HSF5: variants seen among roughly 807,000 people sequenced by gnomAD.
HSF5 encodes the protein heat shock factor protein 5.
In HSF5, 5 loss-of-function variants were observed where a neutral mutation model predicts 50.8. The observed-to-expected ratio is 0.10, with a 90% confidence interval of 0.05 to 0.21. The LOEUF (loss-of-function observed/expected upper bound fraction) is 0.21, where lower values mean the gene tolerates loss of function less well. Ranked by LOEUF, HSF5 falls within the 10% of genes least tolerant of loss-of-function variation. The pLI is 1.00. For synonymous variants in HSF5, 307 were observed against 307.4 expected (o/e 1.00, Z 0.02); for missense variants, 564 against 762.6 (o/e 0.74, Z 3.07).
chr17:58,436,022 A>G (rs1295857304), intron 5 of HSF5, among the ~76,000 whole-genome samples: 4 of 152,232 alleles, frequency 2.6e-5, no homozygotes, highest in Admixed American at 2.0e-4. Context: ...TTATATCATT[A>G]TAATCCATAT....
chr17:58,488,102 C>T lies in HSF5; in HGVS notation c.173G>A (p.Gly58Asp), dbSNP rs1424052071. 8 of 1,570,136 alleles carry T rather than the reference C, an allele frequency of 5.1e-6. No homozygotes were observed. Among genetic ancestry groups the T allele is most frequent in the African/African-American group, 1.4e-5 (1 of 71,936 alleles). The change falls in exon 1 of 6, where the codon GGC becomes GAC. Residue 58 changes from glycine to aspartate, a missense_variant. Gly to Asp is a moderately conservative substitution (Grantham distance 94, BLOSUM62 -1). Around this residue, in one of 5 missense-constraint regions of HSF5, gnomAD observed 72 missense variants for 110.9 expected, o/e 0.65. Coordinates refer to ENST00000323777, the MANE Select transcript of HSF5 (RefSeq NM_001080439.3). This position sits in a 1 kb window ranked among gnomAD's most constrained non-coding sequence, Gnocchi z 4.1. The stretch of plus-strand genomic sequence containing the variant: ...CCCGGCCCCCGCAGTCCCGCCACCG[C>T]CCCCCGGCCCGGGCGGGCTGAGCAG... Reference protein sequence around the residue: ...AELLSPPGPGGGGGTAGAGAE... With the variant: ...AELLSPPGPGDGGGTAGAGAE...
intron 2 of HSF5, among the ~76,000 whole-genome samples, chr17:58,477,121 T>G (rs954569706): frequency 2.0e-5 from 3 of 148,206 alleles, no homozygotes; most frequent in Admixed American, 6.7e-5. Context: ...ATATACTTTT[T>G]TTTTTTTTTT....
chr17:58,478,035 AGCTT>A (rs1975041102), intron 2 of HSF5, among the ~76,000 whole-genome samples: 1 of 151,814 alleles, frequency 6.6e-6, no homozygotes, highest in Admixed American at 6.6e-5. Context: ...CTTTTCTGAA[AGCTT>A]TGACCCTTGT....
intron 2 of HSF5, among the ~76,000 whole-genome samples, chr17:58,470,227 C>T (rs1178664537): frequency 6.6e-6 from 1 of 152,152 alleles, no homozygotes; most frequent in Non-Finnish European, 1.5e-5. Flanking sequence ...CCATGTTCAA[C>T]ACAGCAAAAT....
rs143463525 is a variant in HSF5 at position 58,469,842 on chromosome 17, T to C, written c.926-2863A>G. ...AAGAATTCCATTTCAGATATAAATA[T>C]AGGCATTAATGACATTTTCAAAAAA... On this transcript the variant is annotated intron_variant, in intron 2 of 5. Transcript: ENST00000323777. 5.8e-3 allele frequency among the ~76,000 whole-genome samples: 886 copies of C among 152,226 alleles called. 5 individuals carry two copies. Among genetic ancestry groups the C allele is most frequent in the African/African-American group, 9.4e-3 (389 of 41,550 alleles).
At chr17:58,429,842 TAA>T (rs60957147) in intron 5 of HSF5, among the ~76,000 whole-genome samples, 2 of 133,710 alleles carry the variant, frequency 1.5e-5, no homozygotes, top group African/African-American at 5.6e-5. Flanking sequence ...CAAGACTCTG[TAA>T]AAAAAAAAAA....
At position 58,487,196 on chromosome 17, in the gene HSF5, A is replaced by G. The variant is rs139666846; in HGVS notation, c.550+529T>C. Among the ~76,000 whole-genome samples, 1,407 of 152,074 alleles carry G rather than the reference A, an allele frequency of 9.3e-3. 25 individuals carry two copies. Among genetic ancestry groups the G allele is most frequent in the African/African-American group, 0.031 (1,271 of 41,502 alleles). On this transcript the variant is annotated intron_variant, in intron 1 of 5. Coordinates refer to ENST00000323777, the MANE Select transcript of HSF5 (RefSeq NM_001080439.3). ...GCTGGGATTACAGGCGTGAGCCACC[A>G]CGCCCAACCGTAATGTTCTAAATTC...
intron 5 of HSF5, among the ~76,000 whole-genome samples, chr17:58,456,849 A>G (rs1285523222): frequency 6.6e-6 from 1 of 152,242 alleles, no homozygotes. Context: ...CTGGCCATGC[A>G]TGGTGGCTCA....
intron 1 of HSF5, among the ~76,000 whole-genome samples, chr17:58,487,157 C>A (rs1413464931): frequency 6.6e-6 from 1 of 152,160 alleles, no homozygotes; most frequent in African/African-American, 2.4e-5. Flanking sequence ...GCACCCGCCT[C>A]GGCCTCCCAA....
At chr17:58,477,468 T>C (rs1233060489) in intron 2 of HSF5, among the ~76,000 whole-genome samples, 2 of 150,066 alleles carry the variant, frequency 1.3e-5, no homozygotes, top group Non-Finnish European at 3.0e-5. Context: ...TCCCCTTTTT[T>C]TTTTTTTTTG....
In HSF5 at chr17:58,422,252, C is replaced by CT. The variant is rs1168531430; in HGVS notation, c.*107dup. 30 of 789,604 alleles carry CT rather than the reference C, an allele frequency of 3.8e-5. No homozygotes were observed. Among genetic ancestry groups the CT allele is most frequent in the East Asian group, 1.0e-4 (4 of 38,796 alleles). 48.9% of individuals were successfully genotyped at this position (789,604 alleles called of 1,614,324 possible). The stretch of plus-strand genomic sequence containing the variant: ...TTCTCAATTAACGAAACAAAAAATA[C>CT]TTTTTTTTCCTTAACAGAACTGAAA... On this transcript the variant is annotated 3_prime_UTR_variant, in exon 6 of 6. Transcript: ENST00000323777.
intron 3 of HSF5, 98 bp from the exon 4 acceptor site, chr17:58,463,401 T>C: frequency 1.1e-6 from 1 of 920,776 alleles, no homozygotes; most frequent in East Asian, 2.5e-5. Flanking sequence ...TAAACATAAA[T>C]AGATTAAACT....
rs1974237723 is a variant in HSF5, at chr17:58,422,297, T to C, written c.*63A>G. The stretch of plus-strand genomic sequence containing the variant: ...CTGAAAAAATCCCAACAGTTTGTCA[T>C]GTGCAAGGCTAGTCTGCCTCCAGCT... On this transcript the variant is annotated 3_prime_UTR_variant, in exon 6 of 6. Transcript: ENST00000323777. 6.1e-6 allele frequency: 7 copies of C among 1,150,684 alleles called. No homozygotes were observed. In the Admixed American group the frequency reaches 8.2e-5, roughly 13 times the overall value. 71.3% of individuals were successfully genotyped at this position (1,150,684 alleles called of 1,614,324 possible).
At chr17:58,471,676 C>G (rs951108149) in intron 2 of HSF5, among the ~76,000 whole-genome samples, 2 of 151,230 alleles carry the variant, frequency 1.3e-5, no homozygotes, top group African/African-American at 4.9e-5. Context: ...TCTCAAACTC[C>G]TGGCTTCAAG....
chr17:58,422,890 T>A (rs1974245399), intron 5 of HSF5, among the ~76,000 whole-genome samples: 2 of 152,084 alleles, frequency 1.3e-5, no homozygotes, highest in African/African-American at 2.4e-5. Context: ...GAGACGGGGT[T>A]TCAGCATGTT....
chr17:58,449,741 C>T (rs1974608353), intron 5 of HSF5, among the ~76,000 whole-genome samples: 1 of 149,042 alleles, frequency 6.7e-6, no homozygotes, highest in Admixed American at 6.7e-5. Context: ...AAAAGATATG[C>T]GGCCGGGCGC....
chr17:58,467,923 A>T (rs1404809352), intron 2 of HSF5, among the ~76,000 whole-genome samples: 1 of 152,226 alleles, frequency 6.6e-6, no homozygotes, highest in Non-Finnish European at 1.5e-5. Flanking sequence ...CTGTGGTTTA[A>T]ACAGAGGATG....
At chr17:58,439,417 A>G (rs1487504952) in intron 5 of HSF5, among the ~76,000 whole-genome samples, 4 of 152,144 alleles carry the variant, frequency 2.6e-5, no homozygotes, top group African/African-American at 4.8e-5. Flanking sequence ...ATATCCATAT[A>G]AAAGAACAGC....
intron 5 of HSF5, among the ~76,000 whole-genome samples, chr17:58,454,766 C>T (rs908599234): frequency 1.4e-4 from 21 of 151,980 alleles, no homozygotes; most frequent in African/African-American, 5.1e-4. Context: ...ACAAACTTAA[C>T]CAAGGAGGTG....
Sources: gnomAD v4.1 joint callset for allele counts (sites outside exome capture counted in the v4.1 genomes callset) on GRCh38, gnomAD v4.1.1 for gene constraint, gnomAD v4.1.1 regional missense constraint, Gnocchi (gnomAD v3.1) non-coding constraint, MANE v1.5 for transcripts, NCBI Gene and HGNC (gene_info 2026-07-23, HGNC 2026-07-21) for gene names.